Variants in RGS12 observed in about 807,000 individuals in gnomAD.
The protein encoded by RGS12 is regulator of G-protein signaling 12.
RGS12 carries 66 observed loss-of-function variants against 120.1 expected under a neutral mutation model. The observed-to-expected ratio is 0.55, with a 90% CI of 0.45 to 0.67. The LOEUF (loss-of-function observed/expected upper bound fraction) is 0.67. RGS12 is among the 30% of genes least tolerant of loss of function. RGS12 has a pLI of 0.00. For missense variants in RGS12, 1,859 were observed against 1,957.7 expected, an observed-to-expected ratio of 0.95 and a Z score of 0.95; for synonymous variants, 827 against 804.7, an observed-to-expected ratio of 1.03 and a Z score of -0.47.
Position 3,316,300 on chromosome 4 carries a change from C to G in RGS12, c.130C>G (p.Leu44Val). 3 of 1,614,130 alleles carry G rather than the reference C, an allele frequency of 1.9e-6. No homozygotes were observed. The highest frequency in any genetic ancestry group is 2.2e-5 in the South Asian group (2 of 91,082). The change falls in exon 2 of 18, where the codon CTC (leucine) becomes GTC (valine). Residue 44 changes from leucine (L) to valine (V), a missense_variant. Physicochemically the swap from Leu to Val is conservative, Grantham distance 32. This residue lies in a region of RGS12 where 967 missense variants were observed against 994.2 expected (regional missense o/e 0.97). Coordinates refer to ENST00000336727, the MANE Select transcript of RGS12 (RefSeq NM_001394154.1). ...FTLSGQAPCV[L>V]SCVMRGSPAD... is the part of the protein sequence containing the mutation. ...GCTTTCGGGACAGGCACCCTGTGTG[C>G]TCAGCTGCGTCATGAGAGGGAGCCC...
chr4:3,412,144 C>T (rs987770712), intron 4 of RGS12, among the ~76,000 whole-genome samples: 12 of 152,220 alleles, frequency 7.9e-5, no homozygotes, highest in Non-Finnish European at 8.8e-5. Context: ...TATTCTTTAA[C>T]ATTTTCTTTT....
chr4:3,396,864 G>A (rs1290216358), intron 4 of RGS12, among the ~76,000 whole-genome samples: 1 of 151,600 alleles, frequency 6.6e-6, no homozygotes, highest in East Asian at 1.9e-4. Context: ...TGCTTTTCCT[G>A]GAAATGTTAT....
At chr4:3,364,647 G>A (rs1180834382) in intron 3 of RGS12, among the ~76,000 whole-genome samples, 1 of 152,098 alleles carries the variant, frequency 6.6e-6, no homozygotes, top group Non-Finnish European at 1.5e-5. Context: ...CCAGGGCCTG[G>A]GGCAGCTGGG....
chr4:3,374,296 C>G lies in RGS12; in HGVS notation c.1999-12120C>G, dbSNP rs1717390437. Among the ~76,000 whole-genome samples the G allele has an allele frequency of 6.6e-6, 1 of 152,236 alleles. No homozygotes were observed. Among genetic ancestry groups the G allele is most frequent in the South Asian group, 2.1e-4 (1 of 4,832 alleles). Reference sequence around the variant, plus strand: ...CTGCAGCAGCGCCCTCCGGGTTCCCCTCCTCTCCTCCGACTCCACTGGCTT... The same window carrying G: ...CTGCAGCAGCGCCCTCCGGGTTCCCGTCCTCTCCTCCGACTCCACTGGCTT... On this transcript the variant is annotated intron_variant, in intron 3 of 17. Coordinates refer to ENST00000336727, the MANE Select transcript of RGS12 (RefSeq NM_001394154.1). The surrounding 1 kb of genome is among the most constrained non-coding windows in gnomAD (Gnocchi z 6.3).
chr4:3,344,020 G>T (rs959695143), intron 3 of RGS12, among the ~76,000 whole-genome samples: 24 of 152,206 alleles, frequency 1.6e-4, no homozygotes, highest in Admixed American at 4.6e-4. Flanking sequence ...GAGAGAGTCT[G>T]CCCTTACGGC....
intron 4 of RGS12, among the ~76,000 whole-genome samples, chr4:3,411,575 G>A (rs963673107): frequency 6.6e-6 from 1 of 152,226 alleles, no homozygotes; most frequent in Non-Finnish European, 1.5e-5. Context: ...AAGTATCGGC[G>A]TGATATGTCC....
At chr4:3,402,420 G>A (rs1459985987) in intron 4 of RGS12, among the ~76,000 whole-genome samples, 3 of 152,132 alleles carry the variant, frequency 2.0e-5, no homozygotes, top group Non-Finnish European at 2.9e-5. Context: ...CTCCTTCCCT[G>A]AAGCCTGGTC....
At chr4:3,301,536 T>C (rs1723686833) in intron 1 of RGS12, among the ~76,000 whole-genome samples, 1 of 152,040 alleles carries the variant, frequency 6.6e-6, no homozygotes, top group African/African-American at 2.4e-5. Context: ...CTGGGGTGTT[T>C]TGGGCTAAGG....
intron 17 of RGS12, among the ~76,000 whole-genome samples, chr4:3,435,943 C>T (rs1292927313): frequency 2.6e-5 from 4 of 151,902 alleles, no homozygotes; most frequent in East Asian, 1.9e-4. Flanking sequence ...CTCCTGTGCC[C>T]TCAGTCACCC....
intron 16 of RGS12, 128 bp from the exon 17 acceptor site, chr4:3,430,279 T>C: frequency 1.2e-6 from 1 of 808,078 alleles, no homozygotes; most frequent in South Asian, 1.7e-5. Flanking sequence ...GGAAAAGGGC[T>C]CTTGTTGACC....
chr4:3,439,542 G>A lies in RGS12; in HGVS notation c.4202G>A (p.Gly1401Asp), dbSNP rs1318200687. 9 of 1,612,612 alleles carry A rather than the reference G, an allele frequency of 5.6e-6. No homozygotes were observed. The highest frequency in any genetic ancestry group is 5.9e-6 in the Non-Finnish European group (7 of 1,179,804). The change falls in exon 18 of 18, where the codon GGT (glycine) becomes GAT (aspartate). Residue 1401 changes from glycine to aspartate, a missense_variant. Coordinates refer to ENST00000336727, the MANE Select transcript of RGS12 (RefSeq NM_001394154.1). ...LVTGSAPGRD[G>D]GIAGAQAGPG... Reference sequence around the variant, plus strand: ...ACTGGCTCGGCGCCCGGGCGGGATGGTGGCATAGCGGGGGCACAGGCTGGC... The same window carrying A: ...ACTGGCTCGGCGCCCGGGCGGGATGATGGCATAGCGGGGGCACAGGCTGGC...
chr4:3,407,766 G>A (rs1560153889), intron 4 of RGS12, among the ~76,000 whole-genome samples: 2 of 152,156 alleles, frequency 1.3e-5, no homozygotes, highest in African/African-American at 4.8e-5. Context: ...TTGAGGTTAC[G>A]GTTTGGATGA....
intron 17 of RGS12, among the ~76,000 whole-genome samples, chr4:3,434,723 G>C (rs1311668217): frequency 6.6e-6 from 1 of 152,208 alleles, no homozygotes; most frequent in African/African-American, 2.4e-5. Context: ...CCTTCTGTAC[G>C]CGCCATCTTA....
At chr4:3,342,290 T>C (rs1713312766) in intron 2 of RGS12, 2 of 627,538 alleles carry the variant, frequency 3.2e-6, no homozygotes, top group African/African-American at 2.0e-5. Context: ...GCGACTGATT[T>C]GCTGGAGCCA....
intron 2 of RGS12, among the ~76,000 whole-genome samples, chr4:3,329,928 G>C (rs1711653472): frequency 6.6e-6 from 1 of 151,770 alleles, no homozygotes; most frequent in Non-Finnish European, 1.5e-5. Flanking sequence ...GTTAGGTGCA[G>C]CTTTTGGGAG....
At chr4:3,381,100 C>G (rs182431128) in intron 3 of RGS12, among the ~76,000 whole-genome samples, 1 of 152,354 alleles carries the variant, frequency 6.6e-6, no homozygotes, top group East Asian at 1.9e-4. Context: ...CCGCAGATAT[C>G]TAGGGCAGGG....
chr4:3,412,220 A>C (rs557400292), intron 4 of RGS12, among the ~76,000 whole-genome samples: 48 of 152,316 alleles, frequency 3.2e-4, no homozygotes, highest in African/African-American at 1.1e-3. Context: ...TGCCATGCTG[A>C]CCATGAGGGA....
In RGS12 at chr4:3,314,313, C is replaced by A. The variant is rs571042969; in HGVS notation, c.-101-1757C>A. ...TTTATGTGTGTAAATTACTTCAAATCTGTTTATGATCCTATTGCTGGAAAC... is the reference window on the plus strand; with the variant it reads ...TTTATGTGTGTAAATTACTTCAAATATGTTTATGATCCTATTGCTGGAAAC... On this transcript the variant is annotated intron_variant, in intron 1 of 17. Coordinates refer to ENST00000336727, the MANE Select transcript of RGS12 (RefSeq NM_001394154.1). 6 of 152,290 alleles carry A rather than the reference C, an allele frequency of 3.9e-5. No individual in the cohort carries two copies. In the East Asian group the frequency reaches 5.8e-4, roughly 15 times the overall value. 9.4% of individuals were successfully genotyped at this position (152,290 alleles called of 1,614,324 possible). A position where few individuals can be genotyped will look rare whatever the true frequency, so the allele number is the denominator to read the frequency against.
intron 9 of RGS12, 45 bp from the exon 10 acceptor site, chr4:3,420,597 A>C (rs1722903898): frequency 6.3e-7 from 1 of 1,594,782 alleles, no homozygotes; most frequent in Admixed American, 1.7e-5. Flanking sequence ...TGACCGAATA[A>C]ACAGGGTTCT....
Sources: gnomAD v4.1 joint callset for allele counts (sites outside exome capture counted in the v4.1 genomes callset) on GRCh38, gnomAD v4.1.1 for gene constraint, gnomAD v4.1.1 regional missense constraint, Gnocchi (gnomAD v3.1) non-coding constraint, MANE v1.5 for transcripts, NCBI Gene and HGNC (gene_info 2026-07-23, HGNC 2026-07-21) for gene names.